The following SLC25A12 variants were observed in gnomAD, a reference collection of about 807,000 sequenced individuals.
SLC25A12 encodes solute carrier family 25 member 12, also known as electrogenic aspartate/glutamate antiporter SLC25A12, mitochondrial.
A neutral mutation model predicts 83.3 loss-of-function variants in SLC25A12; 32 were observed. That is an observed-to-expected ratio of 0.38 (90% CI 0.29 to 0.52). The LOEUF (loss-of-function observed/expected upper bound fraction) is 0.52. Ranked by LOEUF, SLC25A12 falls within the 20% of genes least tolerant of loss-of-function variation. SLC25A12 has a pLI of 0.84. For synonymous variants in SLC25A12, 267 were observed against 291.1 expected (o/e 0.92, Z 0.84); for missense variants, 611 against 835.6 (o/e 0.73, Z 3.31).
rs1416103396 is a variant in SLC25A12, at chr2:171,893,242, C to T, written c.29G>A (p.Arg10Gln). The change falls in exon 2 of 18, where the codon CGA (arginine) becomes CAA (glutamine). Residue 10 changes from arginine (R) to glutamine (Q), a missense_variant. Around this residue, in one of 3 missense-constraint regions of SLC25A12, gnomAD observed 34 missense variants for 23.0 expected, o/e 1.48. Transcript: ENST00000422440. MAVKVQTTK[R>Q]GDPHELRNIF... The stretch of plus-strand genomic sequence containing the variant: ...GTTTCTTAACTCATGAGGATCCCCT[C>T]GCTTAGTTGTCTGCACCTGTAAGCA... The T allele has an allele frequency of 2.5e-6, 4 of 1,613,952 alleles. No individual in the cohort carries two copies. The highest frequency in any genetic ancestry group is 3.4e-6 in the Non-Finnish European group (4 of 1,180,016).
intron 3 of SLC25A12, among the ~76,000 whole-genome samples, chr2:171,859,006 T>A (rs1685096951): frequency 1.3e-5 from 2 of 152,348 alleles, no homozygotes; most frequent in Admixed American, 1.3e-4. Context: ...AAGGCAAACG[T>A]TAAGTGATCT....
At chr2:171,822,556 TG>T (rs1287740385) in intron 9 of SLC25A12, among the ~76,000 whole-genome samples, 5 of 152,144 alleles carry the variant, frequency 3.3e-5, no homozygotes, top group Non-Finnish European at 7.3e-5. Flanking sequence ...GCTAATTTTT[TG>T]TATGTTTTTT....
intron 3 of SLC25A12, among the ~76,000 whole-genome samples, chr2:171,865,595 A>G (rs1046598362): frequency 6.6e-6 from 1 of 151,968 alleles, no homozygotes; most frequent in Non-Finnish European, 1.5e-5. Flanking sequence ...CAGGAGGTGG[A>G]GGTTGCAGTG....
intron 13 of SLC25A12, among the ~76,000 whole-genome samples, chr2:171,799,911 T>C (rs1371776620): frequency 3.3e-5 from 5 of 152,216 alleles, no homozygotes; most frequent in Admixed American, 2.6e-4. Context: ...CTCAGGAGTA[T>C]ATACTCTCTG....
intron 9 of SLC25A12, among the ~76,000 whole-genome samples, chr2:171,820,337 AACAAAACTTTTTT>A (rs1158540066): frequency 1.3e-5 from 2 of 152,202 alleles, no homozygotes; most frequent in Non-Finnish European, 2.9e-5. Context: ...TTCCCATAGA[AACAAAACTTTTTT>A]AAAGAAAGTA....
intron 17 of SLC25A12, among the ~76,000 whole-genome samples, chr2:171,785,823 A>T (rs542253247): frequency 6.6e-6 from 1 of 152,052 alleles, no homozygotes; most frequent in East Asian, 1.9e-4. Context: ...TCTTGTAAAG[A>T]TGGGGTCTTG....
chr2:171,812,881 A>G (rs1271990697), intron 11 of SLC25A12, among the ~76,000 whole-genome samples: 2 of 151,212 alleles, frequency 1.3e-5, no homozygotes, highest in Non-Finnish European at 1.5e-5. Context: ...AAAACATTTG[A>G]TATTTATTTC....
intron 4 of SLC25A12, among the ~76,000 whole-genome samples, chr2:171,853,703 A>T (rs1374725916): frequency 6.6e-6 from 1 of 152,144 alleles, no homozygotes; most frequent in Non-Finnish European, 1.5e-5. Context: ...ACTAAAGTTG[A>T]GATCTAATGA....
chr2:171,814,577 A>G (rs1032870553), intron 10 of SLC25A12, among the ~76,000 whole-genome samples: 5 of 151,862 alleles, frequency 3.3e-5, no homozygotes, highest in African/African-American at 1.2e-4. Flanking sequence ...TTTGTTGTAC[A>G]TATTTCATCG....
At chr2:171,888,032 C>CA (rs2105933400) in intron 2 of SLC25A12, among the ~76,000 whole-genome samples, 1 of 151,944 alleles carries the variant, frequency 6.6e-6, no homozygotes, top group Admixed American at 6.6e-5. Context: ...CACCAATTCT[C>CA]ATACAATTTC....
intron 3 of SLC25A12, among the ~76,000 whole-genome samples, chr2:171,861,234 A>G (rs1462447709): frequency 1.3e-5 from 2 of 152,098 alleles, no homozygotes; most frequent in African/African-American, 4.8e-5. Flanking sequence ...TTTCATAATA[A>G]AATGTTGGGA....
chr2:171,802,232 C>G (rs1194635315), intron 13 of SLC25A12, among the ~76,000 whole-genome samples: 2 of 152,126 alleles, frequency 1.3e-5, no homozygotes, highest in Non-Finnish European at 2.9e-5. Context: ...CCTTGAACTC[C>G]TAGGCTCAAG....
At chr2:171,822,063 T>C (rs1168888865) in intron 9 of SLC25A12, among the ~76,000 whole-genome samples, 1 of 152,154 alleles carries the variant, frequency 6.6e-6, no homozygotes, top group Non-Finnish European at 1.5e-5. Flanking sequence ...CTGGTAAAAT[T>C]TCAGCCAGCA....
At chr2:171,836,465 T>G (rs1684559569) in intron 6 of SLC25A12, among the ~76,000 whole-genome samples, 1 of 152,190 alleles carries the variant, frequency 6.6e-6, no homozygotes, top group South Asian at 2.1e-4. Context: ...TTATAGAGAT[T>G]AGCAGTTTGA....
chr2:171,825,907 A>G (rs1182865737), intron 9 of SLC25A12, among the ~76,000 whole-genome samples: 2 of 152,270 alleles, frequency 1.3e-5, no homozygotes, highest in African/African-American at 2.4e-5. Flanking sequence ...TTGTAAAATC[A>G]GAAATGGGAT....
At position 171,877,844 on chromosome 2, in the gene SLC25A12, A is replaced by G. The variant is rs1264815986; in HGVS notation, c.67-9021T>C. Among the ~76,000 whole-genome samples the G allele has an allele frequency of 2.0e-5, 3 of 152,222 alleles. No homozygotes were observed. The East Asian group carries it at 5.8e-4, about 29-fold the overall frequency. ...TCTAAATGATACAAATTACTTGTTT[A>G]AATAGTTTAAGTTCATAAACAGATC... On this transcript the variant is annotated intron_variant, in intron 2 of 17. Transcript: ENST00000422440.
chr2:171,800,897 C>A (rs1044561554), intron 13 of SLC25A12, among the ~76,000 whole-genome samples: 4 of 152,144 alleles, frequency 2.6e-5, no homozygotes, highest in Non-Finnish European at 5.9e-5. Context: ...AATCCAAGAA[C>A]AACAAAACTT....
chr2:171,805,377 C>T (rs1048409026), intron 13 of SLC25A12, among the ~76,000 whole-genome samples: 1 of 152,164 alleles, frequency 6.6e-6, no homozygotes, highest in Non-Finnish European at 1.5e-5. Flanking sequence ...TCCCAAAGTA[C>T]TGGGATTACA....
At chr2:171,828,153 A>G (rs1328908331) in intron 8 of SLC25A12, among the ~76,000 whole-genome samples, 1 of 152,094 alleles carries the variant, frequency 6.6e-6, no homozygotes, top group Non-Finnish European at 1.5e-5. Flanking sequence ...GCTGTTTCCT[A>G]GTAGATCCTT....
Sources: allele counts gnomAD v4.1 joint callset (sites outside exome capture counted in the v4.1 genomes callset), GRCh38; gene constraint gnomAD v4.1.1; regional missense constraint gnomAD v4.1.1; transcripts MANE v1.5; gene names NCBI Gene and HGNC (gene_info 2026-07-23, HGNC 2026-07-21).